Variants in NGEF observed in about 807,000 individuals in gnomAD.
NGEF encodes the protein neuronal guanine nucleotide exchange factor, also known as ephexin-1.
NGEF carries 31 observed loss-of-function variants against 80.9 expected under a neutral mutation model. The observed-to-expected ratio is 0.38, with a 90% confidence interval of 0.29 to 0.52. The LOEUF (loss-of-function observed/expected upper bound fraction) is 0.52, where lower values mean the gene tolerates loss of function less well. NGEF is among the 20% of genes least tolerant of loss of function. The probability of loss-of-function intolerance (pLI) is 0.84; values close to 1 mark genes in which losing one functional copy is unlikely to be tolerated. For synonymous variants in NGEF, 371 were observed against 370.2 expected (o/e 1.00, Z -0.03); for missense variants, 709 against 926.2 (o/e 0.77, Z 3.04).
At chr2:232,929,713 C>G (rs985762757) in intron 3 of NGEF, among the ~76,000 whole-genome samples, 1 of 152,232 alleles carries the variant, frequency 6.6e-6, no homozygotes, top group Non-Finnish European at 1.5e-5. Flanking sequence ...CTGGCCATCT[C>G]CATCTGGCCA....
intron 3 of NGEF, among the ~76,000 whole-genome samples, chr2:232,934,084 A>G (rs544764166): frequency 6.6e-6 from 1 of 152,096 alleles, no homozygotes; most frequent in Non-Finnish European, 1.5e-5. Flanking sequence ...TCTAGTAAAA[A>G]TACGAAAATT....
rs771713745 is a variant in NGEF at position 232,879,496 on chromosome 2, C to T, written c.2126G>A (p.Arg709Gln). 13 of 1,599,402 alleles carry T rather than the reference C, an allele frequency of 8.1e-6. No homozygotes were observed. Among genetic ancestry groups the T allele is most frequent in the Admixed American group, 6.7e-5 (4 of 59,742 alleles). The change falls in exon 15 of 15, where the codon CGG (arginine) becomes CAG (glutamine). Residue 709 changes from arginine (R) to glutamine (Q), a missense_variant. By Grantham distance (43) the Arg-to-Gln change is conservative (BLOSUM62 1). Coordinates refer to ENST00000264051, the MANE Select transcript of NGEF (RefSeq NM_019850.3). The stretch of plus-strand genomic sequence containing the variant: ...TGGCCCCCTGGGTGGGGGTCATTGC[C>T]GATTCCGGCTGCCCAGCTTCCTGCG... Reference protein sequence around the residue: ...KDRRKLGSRNRQ With the variant: ...KDRRKLGSRNQQ
At position 232,920,429 on chromosome 2, in the gene NGEF, G is replaced by C; in HGVS notation, c.683C>G (p.Ala228Gly). 1 of 1,613,846 alleles carries C rather than the reference G, an allele frequency of 6.2e-7. No homozygotes were observed. The highest frequency in any genetic ancestry group is 8.5e-7 in the Non-Finnish European group (1 of 1,179,896). The change falls in exon 5 of 15, where the codon GCC becomes GGC. Residue 228 changes from alanine to glycine, a missense_variant. Ala to Gly is a moderately conservative substitution (Grantham distance 60, BLOSUM62 0). Coordinates refer to ENST00000264051, the MANE Select transcript of NGEF (RefSeq NM_019850.3). ...EEEEEEEEEPASPPERKTLPQ... is the reference protein window; with the variant it reads ...EEEEEEEEEPGSPPERKTLPQ... The stretch of plus-strand genomic sequence containing the variant: ...CAGAGTCTTCCTCTCTGGTGGGCTG[G>C]CCGGCTCCTCCTCCTCCTCCTCTTC...
In NGEF at chr2:232,885,764, G is replaced by A. The variant is rs77848551; in HGVS notation, c.1348-395C>T. 9.7e-3 allele frequency among the ~76,000 whole-genome samples: 1,476 copies of A among 152,238 alleles called. 25 individuals are homozygous for A. The highest frequency in any genetic ancestry group is 0.033 in the African/African-American group (1,375 of 41,522). On this transcript the variant is annotated intron_variant, in intron 9 of 14. Coordinates refer to ENST00000264051, the MANE Select transcript of NGEF (RefSeq NM_019850.3). ...AAATCCCACGCTTCCTGGGGCTCCC[G>A]AGGACTCGTTCTGAAGGAAGACAAT...
At chr2:232,947,287 C>T (rs769331103) in intron 3 of NGEF, among the ~76,000 whole-genome samples, 3 of 152,194 alleles carry the variant, frequency 2.0e-5, no homozygotes, top group Admixed American at 6.5e-5. Flanking sequence ...GATGCAGTCT[C>T]GCTGAAAATG....
chr2:232,987,721 G>C (rs1173968473), intron 1 of NGEF, among the ~76,000 whole-genome samples: 1 of 152,190 alleles, frequency 6.6e-6, no homozygotes, highest in Admixed American at 6.5e-5. Context: ...GGGGATTTCT[G>C]AAGGTAGGGA....
chr2:232,887,800 G>T (rs1412455994), intron 9 of NGEF, among the ~76,000 whole-genome samples: 1 of 152,236 alleles, frequency 6.6e-6, no homozygotes, highest in African/African-American at 2.4e-5. Context: ...AAGACAGGCG[G>T]TGAGTACGTA....
intron 1 of NGEF, among the ~76,000 whole-genome samples, chr2:232,975,253 T>C (rs1178386192): frequency 6.6e-6 from 1 of 152,020 alleles, no homozygotes; most frequent in African/African-American, 2.4e-5. Flanking sequence ...CTTAAATAAT[T>C]CCAGAGAAAA....
chr2:232,908,007 G>T (rs1692608044), intron 5 of NGEF, among the ~76,000 whole-genome samples: 1 of 152,104 alleles, frequency 6.6e-6, no homozygotes, highest in Non-Finnish European at 1.5e-5. Context: ...CTACTCAGGA[G>T]GCTGAGGCAG....
chr2:233,009,661 T>TTTTACTTTGA (rs1443102017), intron 1 of NGEF, among the ~76,000 whole-genome samples: 1 of 150,726 alleles, frequency 6.6e-6, no homozygotes, highest in Non-Finnish European at 1.5e-5. Context: ...GTAAAACTCC[T>TTTTACTTTGA]GGATGATTGG....
intron 1 of NGEF, among the ~76,000 whole-genome samples, chr2:232,985,800 G>A (rs1694520910): frequency 6.6e-6 from 1 of 151,818 alleles, no homozygotes; most frequent in East Asian, 1.9e-4. Context: ...TTAGCCAGGT[G>A]TGGTGGCGGG....
intron 2 of NGEF, 31 bp from the exon 3 acceptor site, chr2:232,970,359 A>C (rs1289306566): frequency 5.7e-6 from 8 of 1,415,392 alleles, no homozygotes; most frequent in Non-Finnish European, 7.9e-6. Flanking sequence ...AGCAAGTTAG[A>C]AGATACAGAT....
chr2:232,921,642 T>TTG (rs1189199221), intron 4 of NGEF, among the ~76,000 whole-genome samples: 1 of 151,170 alleles, frequency 6.6e-6, no homozygotes, highest in African/African-American at 2.4e-5. Context: ...TTTTTTTTTT[T>TTG]GTAGAGATGA....
intron 14 of NGEF, among the ~76,000 whole-genome samples, chr2:232,880,002 A>G (rs1691439848): frequency 6.6e-6 from 1 of 152,222 alleles, no homozygotes; most frequent in Non-Finnish European, 1.5e-5. Context: ...GGGCCACTCC[A>G]AAAAGCTGGA....
intron 3 of NGEF, among the ~76,000 whole-genome samples, chr2:232,948,114 G>C (rs1280162273): frequency 1.3e-5 from 2 of 151,508 alleles, no homozygotes; most frequent in East Asian, 3.9e-4. Flanking sequence ...AGGACAATTG[G>C]GGGCCATGGG....
At chr2:232,949,017 CA>C (rs923807302) in intron 3 of NGEF, among the ~76,000 whole-genome samples, 1 of 142,318 alleles carries the variant, frequency 7.0e-6, no homozygotes, top group South Asian at 2.3e-4. Context: ...GACTGCGTCT[CA>C]AAAAAACCCC....
chr2:232,944,525 A>G (rs1693509574), intron 3 of NGEF, among the ~76,000 whole-genome samples: 2 of 151,852 alleles, frequency 1.3e-5, no homozygotes, highest in African/African-American at 4.8e-5. Flanking sequence ...AAATTAAGTG[A>G]TTTCCCAAAT....
chr2:232,992,441 C>A (rs1694670044), intron 1 of NGEF, among the ~76,000 whole-genome samples: 1 of 151,986 alleles, frequency 6.6e-6, no homozygotes, highest in Non-Finnish European at 1.5e-5. Flanking sequence ...ACCTGTAATA[C>A]CAGCTACTTG....
Position 233,013,196 on chromosome 2 carries a change from C to G in NGEF, c.-203G>C, listed in dbSNP as rs1244398495. 6.4e-6 allele frequency: 3 copies of G among 471,112 alleles called. No individual in the cohort carries two copies. Among genetic ancestry groups the G allele is most frequent in the Non-Finnish European group, 1.3e-5 (3 of 227,084 alleles). The allele number at this position is 471,112 out of a possible 1,614,324, so 29.2% of individuals were successfully genotyped here. A position where few individuals can be genotyped will look rare whatever the true frequency, so the allele number is the denominator to read the frequency against. On this transcript the variant is annotated 5_prime_UTR_variant, in exon 1 of 15. Transcript: ENST00000264051. ...TAAATCCACAGGCGCTCCACTCTGT[C>G]CCAGAGAGCCCACAGCCAAAAACTT...
Sources: allele counts gnomAD v4.1 joint callset (sites outside exome capture counted in the v4.1 genomes callset), GRCh38; gene constraint gnomAD v4.1.1; transcripts MANE v1.5; gene names NCBI Gene and HGNC (gene_info 2026-07-23, HGNC 2026-07-21).